Variants in WEE2 observed in about 807,000 individuals in gnomAD.
The protein encoded by WEE2 is WEE2 oocyte meiosis inhibiting kinase.
Under a neutral mutation model 60.1 loss-of-function variants are expected in WEE2, and 50 were observed. The observed-to-expected ratio is 0.83, with a 90% CI of 0.66 to 1.05. WEE2 has a LOEUF of 1.05. Ranked by LOEUF, WEE2 falls within the 50% of genes least tolerant of loss-of-function variation. The pLI is 0.00. For missense variants in WEE2, 631 were observed against 684.3 expected (o/e 0.92, Z 0.87); for synonymous variants, 240 against 241.0 (o/e 1.00, Z 0.04).
chr7:141,724,407 A>G (rs773332308), intron 8 of WEE2, 132 bp downstream of exon 8: 25 of 803,060 alleles, frequency 3.1e-5, no homozygotes, highest in Non-Finnish European at 5.9e-6. Flanking sequence ...CAGAATGGAG[A>G]CCAAAGATAG....
intron 10 of WEE2, chr7:141,727,668 G>A (rs1323416425): frequency 6.3e-5 from 32 of 507,224 alleles, no homozygotes; most frequent in Middle Eastern, 5.2e-4. Context: ...TCCAGTTAAC[G>A]CAAACAAAGG....
At chr7:141,730,005 A>C (rs1297141526) in intron 11 of WEE2, among the ~76,000 whole-genome samples, 2 of 151,694 alleles carry the variant, frequency 1.3e-5, no homozygotes, top group African/African-American at 2.4e-5. Context: ...AAAAAAAAAA[A>C]AAAAACTCAT....
intron 5 of WEE2, among the ~76,000 whole-genome samples, chr7:141,722,894 A>G (rs1798941612): frequency 6.6e-6 from 1 of 152,250 alleles, no homozygotes; most frequent in African/African-American, 2.4e-5. Flanking sequence ...TAAATAGGGC[A>G]GATATTATGC....
In WEE2 at chr7:141,724,049, G is replaced by T. The variant is rs765705974; in HGVS notation, c.1135+1G>T. 6.2e-7 allele frequency: 1 copy of T among 1,609,982 alleles called. No homozygotes were observed. Among genetic ancestry groups the T allele is most frequent in the Non-Finnish European group, 8.5e-7 (1 of 1,177,274 alleles). ...TCTGCCAATGTGATGTATAAAATTG[G>T]TTAGTCTGCCTTATAGCCTTACCAG... On this transcript the variant is annotated splice_donor_variant, in intron 7 of 11. Coordinates refer to ENST00000397541, the MANE Select transcript of WEE2 (RefSeq NM_001105558.1). LOFTEE classifies it high-confidence loss of function.
chr7:141,730,008 A>T lies in WEE2; in HGVS notation c.1679-287A>T, dbSNP rs796279350. Among the ~76,000 whole-genome samples the T allele has an allele frequency of 1.6e-3, 239 of 151,790 alleles. 1 individual carries two copies. The highest frequency in any genetic ancestry group is 6.8e-3 in the Middle Eastern group (2 of 294). On this transcript the variant is annotated intron_variant, in intron 11 of 11. Transcript: ENST00000397541. ...GTATCTAAAAAAAAAAAAAAAAAAA[A>T]AACTCATTCTGCACCAGCCAACCTT...
chr7:141,708,562 C>A lies in WEE2; in HGVS notation c.-197C>A. On this transcript the variant is annotated 5_prime_UTR_variant, in exon 1 of 12. In the 5' UTR this introduces an upstream ATG that the reference lacks. Coordinates refer to ENST00000397541, the MANE Select transcript of WEE2 (RefSeq NM_001105558.1). ...TAATCAGAATGGAAATCAGGATAAG[C>A]TGAGGTCTTATAGATTGGTGGTACT... 1 of 592,726 alleles carries A rather than the reference C, an allele frequency of 1.7e-6. No individual in the cohort carries two copies. Among genetic ancestry groups the A allele is most frequent in the Non-Finnish European group, 3.0e-6 (1 of 333,578 alleles). The allele number at this position is 592,726 out of a possible 1,614,324, so 36.7% of individuals were successfully genotyped here.
chr7:141,723,790 T>C, intron 6 of WEE2, 151 bp from the exon 7 acceptor site: 1 of 570,268 alleles, frequency 1.8e-6, no homozygotes, highest in Non-Finnish European at 3.0e-6. Context: ...AGAAGCGATG[T>C]GAGATTTCAT....
chr7:141,725,231 T>C, intron 9 of WEE2, 35 bp downstream of exon 9: 5 of 1,589,752 alleles, frequency 3.1e-6, no homozygotes, highest in Non-Finnish European at 4.3e-6. Context: ...GAAGATGCAA[T>C]ATCTATTTTT....
chr7:141,723,134 G>A lies in WEE2; in HGVS notation c.881G>A (p.Gly294Asp), dbSNP rs1412294824. 3 of 1,613,956 alleles carry A rather than the reference G, an allele frequency of 1.9e-6. No individual in the cohort carries two copies. The highest frequency in any genetic ancestry group is 3.3e-5 in the Admixed American group (2 of 60,006). Reference sequence around the variant, plus strand: ...GCTGTTCTCTGTTGTTCTTTCCCAGGTGGGAGTTTGCAAGCTGCTATATCT... The same window carrying A: ...GCTGTTCTCTGTTGTTCTTTCCCAGATGGGAGTTTGCAAGCTGCTATATCT... ...HMIIQNEYCN[G>D]GSLQAAISEN... is the part of the protein sequence containing the mutation. Residue 294 changes from glycine (G) to aspartate (D), a missense_variant and splice_region_variant, in exon 6 of 12, where the codon GGT (glycine) becomes GAT (aspartate). Physicochemically the swap from Gly to Asp is moderately conservative, Grantham distance 94. Coordinates refer to ENST00000397541, the MANE Select transcript of WEE2 (RefSeq NM_001105558.1).
chr7:141,716,236 C>A lies in WEE2; in HGVS notation c.554C>A (p.Pro185Gln). 6.2e-7 allele frequency: 1 copy of A among 1,612,518 alleles called. No individual in the cohort carries two copies. The highest frequency in any genetic ancestry group is 8.5e-7 in the Non-Finnish European group (1 of 1,179,398). The change falls in exon 3 of 12, where the codon CCA becomes CAA. Residue 185 changes from proline to glutamine, a missense_variant. Physicochemically the swap from Pro to Gln is moderately conservative, Grantham distance 76. Coordinates refer to ENST00000397541, the MANE Select transcript of WEE2 (RefSeq NM_001105558.1). ...KIRGDLEEAG[P>Q]EEGKGGLPAK... is the part of the protein sequence containing the mutation. ...TCTTTTTTAAGTGAGGAAGCTGGTC[C>A]AGAGGAAGGCAAGGGAGGGCTGCCT...
At chr7:141,721,097 A>G (rs1189214809) in intron 5 of WEE2, 41 bp downstream of exon 5, 2 of 1,612,030 alleles carry the variant, frequency 1.2e-6, no homozygotes, top group African/African-American at 2.7e-5. Flanking sequence ...GAGGGAGATG[A>G]ACTTTATAAG....
chr7:141,720,722 G>A (rs1798894044), intron 4 of WEE2: 10 of 572,910 alleles, frequency 1.7e-5, no homozygotes, highest in Middle Eastern at 4.7e-4. Context: ...TTACCAGTTC[G>A]ACTTTGGGCC....
At position 141,724,022 on chromosome 7, in the gene WEE2, T is replaced by C. The variant is rs767130803; in HGVS notation, c.1109T>C (p.Leu370Pro). 3.0e-5 allele frequency: 48 copies of C among 1,613,344 alleles called. 2 individuals carry two copies. In the Middle Eastern group the frequency reaches 4.9e-4, roughly 17 times the overall value. Residue 370 changes from leucine to proline, a missense_variant, in exon 7 of 12, where the codon CTC (leucine) becomes CCC (proline). Physicochemically the swap from Leu to Pro is moderately conservative, Grantham distance 98. Transcript: ENST00000397541. ...EEVENEADWFLSANVMYKIGD... is the reference protein window; with the variant it reads ...EEVENEADWFPSANVMYKIGD... Reference sequence around the variant, plus strand: ...GTTGAAAATGAAGCTGATTGGTTTCTCTCTGCCAATGTGATGTATAAAATT... The same window carrying C: ...GTTGAAAATGAAGCTGATTGGTTTCCCTCTGCCAATGTGATGTATAAAATT...
chr7:141,711,922 C>A lies in WEE2; in HGVS notation c.343-2287C>A, dbSNP rs897876849. The A allele has an allele frequency of 6.6e-6, 1 of 152,138 alleles. No homozygotes were observed. The highest frequency in any genetic ancestry group is 2.4e-5 in the African/African-American group (1 of 41,408). The allele number at this position is 152,138 out of a possible 1,614,324, so 9.4% of individuals were successfully genotyped here. ...CAAGACAGGAAGGAAGTGTCAGGCT[C>A]ATTTTAAACAACCAGATCTGGTGTG... On this transcript the variant is annotated intron_variant, in intron 1 of 11. Transcript: ENST00000397541. The surrounding 1 kb of genome is among the most constrained non-coding windows in gnomAD (Gnocchi z 4.2).
In WEE2 at chr7:141,729,868, A is replaced by G. The variant is rs191177889; in HGVS notation, c.1678+195A>G. Among the ~76,000 whole-genome samples the G allele has an allele frequency of 2.2e-3, 339 of 152,064 alleles. 2 individuals are homozygous for G. The highest frequency in any genetic ancestry group is 8.0e-3 in the African/African-American group (330 of 41,480). Reference sequence around the variant, plus strand: ...CAGGGCGAGGTGGCAGGCGCCTATAATCCCAGCTACTCAGGAGGCTGAGGA... The same window carrying G: ...CAGGGCGAGGTGGCAGGCGCCTATAGTCCCAGCTACTCAGGAGGCTGAGGA... On this transcript the variant is annotated intron_variant, in intron 11 of 11. Coordinates refer to ENST00000397541, the MANE Select transcript of WEE2 (RefSeq NM_001105558.1).
chr7:141,719,330 T>A, intron 4 of WEE2, 86 bp downstream of exon 4: 1 of 1,244,902 alleles, frequency 8.0e-7, no homozygotes, highest in Non-Finnish European at 1.1e-6. Flanking sequence ...AAAGCACCGA[T>A]GTCATTAAAA....
chr7:141,709,179 A>G, intron 1 of WEE2, 79 bp downstream of exon 1: 1 of 1,157,292 alleles, frequency 8.6e-7, no homozygotes, highest in Non-Finnish European at 1.3e-6. Flanking sequence ...GAGTGGATTC[A>G]TGTGTGTATG....
chr7:141,710,441 C>T (rs1363008278), intron 1 of WEE2, among the ~76,000 whole-genome samples: 1 of 152,186 alleles, frequency 6.6e-6, no homozygotes, highest in Non-Finnish European at 1.5e-5. Flanking sequence ...CACAGCTTAA[C>T]TGAACACCTT....
rs200610853 is a variant in WEE2 at position 141,724,247 on chromosome 7, G to A, written c.1193G>A (p.Arg398His). The A allele has an allele frequency of 5.0e-6, 8 of 1,613,754 alleles. No individual in the cohort carries two copies. The highest frequency in any genetic ancestry group is 2.2e-5 in the East Asian group (1 of 44,860). Residue 398 changes from arginine (R) to histidine (H), a missense_variant, in exon 8 of 12, where the codon CGC becomes CAC. Arg to His is a conservative substitution (Grantham distance 29). Coordinates refer to ENST00000397541, the MANE Select transcript of WEE2 (RefSeq NM_001105558.1). ...NKPKVEEGDS[R>H]FLANEILQED... is the part of the protein sequence containing the mutation. ...CCCAAAGTGGAAGAAGGAGATAGTC[G>A]CTTCCTGGCTAATGAGATTTTGCAA...
Sources: gnomAD v4.1 joint callset for allele counts (sites outside exome capture counted in the v4.1 genomes callset) on GRCh38, gnomAD v4.1.1 for gene constraint, Gnocchi (gnomAD v3.1) non-coding constraint, MANE v1.5 for transcripts, NCBI Gene and HGNC (gene_info 2026-07-23, HGNC 2026-07-21) for gene names.